The following NFIA variants were observed in gnomAD, a reference collection of about 807,000 sequenced individuals.
The protein encoded by NFIA is nuclear factor 1 A-type.
NFIA carries 8 observed loss-of-function variants against 62.8 expected under a neutral mutation model. That is an observed-to-expected ratio of 0.13 (90% CI 0.07 to 0.23). NFIA has a LOEUF of 0.23. Among genes scored for constraint, NFIA ranks in the 10% least tolerant of loss-of-function variants. NFIA has a pLI of 1.00. For missense variants in NFIA, 410 were observed against 642.1 expected (o/e 0.64, Z 3.91); for synonymous variants, 235 against 238.1 (o/e 0.99, Z 0.12).
chr1:61,299,707 T>C (rs1036300869), intron 3 of NFIA, among the ~76,000 whole-genome samples: 1 of 152,170 alleles, frequency 6.6e-6, no homozygotes, highest in African/African-American at 2.4e-5. Context: ...GCTGTACTTA[T>C]AAGCTGTTTG....
intron 9 of NFIA, among the ~76,000 whole-genome samples, chr1:61,422,677 C>T (rs913762742): frequency 2.0e-5 from 3 of 149,734 alleles, no homozygotes; most frequent in Admixed American, 6.7e-5. Context: ...GAGGCCGAGG[C>T]GAGAGGATTG....
intron 10 of NFIA, among the ~76,000 whole-genome samples, chr1:61,440,706 A>G (rs1667536197): frequency 6.8e-6 from 1 of 147,818 alleles, no homozygotes; most frequent in Admixed American, 6.7e-5. Context: ...AAGAACATCT[A>G]TTTTGCCAGA....
chr1:61,462,029 TTTTTTTTTTTTTTGGC>T lies in NFIA; in HGVS notation c.*6720_*6735del, dbSNP rs1159010644. 6.7e-6 allele frequency: 1 copy of T among 149,944 alleles called. No homozygotes were observed. Among genetic ancestry groups the T allele is most frequent in the Non-Finnish European group, 1.5e-5 (1 of 67,586 alleles). 9.3% of individuals were successfully genotyped at this position (149,944 alleles called of 1,614,324 possible). A position where few individuals can be genotyped will look rare whatever the true frequency, so the allele number is the denominator to read the frequency against. ...CTGTAAGTTAGCCTTTTTGGGTTTT[TTTTTTTTTTTTTTGGC>T]TTTTTTTTTTGTTTGTTTTTTTTTC... On this transcript the variant is annotated 3_prime_UTR_variant, in exon 11 of 11. Transcript: ENST00000403491.
At chr1:61,293,882 CA>C (rs1210471814) in intron 3 of NFIA, among the ~76,000 whole-genome samples, 2 of 152,218 alleles carry the variant, frequency 1.3e-5, no homozygotes, top group Admixed American at 6.5e-5. Flanking sequence ...AAGCTCAAAC[CA>C]AAATTGCTTT....
At chr1:61,432,292 T>A (rs1015133282) in intron 10 of NFIA, among the ~76,000 whole-genome samples, 27 of 151,452 alleles carry the variant, frequency 1.8e-4, no homozygotes, top group Non-Finnish European at 4.0e-4. Context: ...CATGTTCAGT[T>A]CTGTCTTCCC....
chr1:61,283,735 G>A (rs1446710359), intron 3 of NFIA, among the ~76,000 whole-genome samples: 1 of 151,382 alleles, frequency 6.6e-6, no homozygotes, highest in Admixed American at 6.6e-5. Context: ...GGGCCTTCTT[G>A]TTTAATGTTT....
At chr1:61,216,861 G>A (rs145994963) in intron 2 of NFIA, among the ~76,000 whole-genome samples, 1,843 of 151,824 alleles carry the variant, frequency 0.012, 18 homozygotes, top group East Asian at 0.054. Context: ...TTGGCTGGGC[G>A]TGGTGGTGGG....
chr1:61,163,412 A>C (rs1649350974), intron 2 of NFIA, among the ~76,000 whole-genome samples: 1 of 152,222 alleles, frequency 6.6e-6, no homozygotes, highest in African/African-American at 2.4e-5. Context: ...ATTTTAAAGC[A>C]AAGTTAATAT....
intron 9 of NFIA, among the ~76,000 whole-genome samples, chr1:61,411,773 C>A (rs2092867): frequency 0.76 from 114,736 of 151,344 alleles, 44,704 homozygotes; most frequent in East Asian, 0.98. Context: ...GGGCTACTTG[C>A]GAAGGGCAAA....
intron 2 of NFIA, among the ~76,000 whole-genome samples, chr1:61,197,961 A>G (rs745879427): frequency 6.6e-6 from 1 of 152,118 alleles, no homozygotes; most frequent in Non-Finnish European, 1.5e-5. Flanking sequence ...AGCCTGGGTG[A>G]CAAGAATGAA....
intron 9 of NFIA, among the ~76,000 whole-genome samples, chr1:61,407,818 C>A (rs542795546): frequency 3.3e-5 from 5 of 152,116 alleles, no homozygotes; most frequent in Non-Finnish European, 7.3e-5. Context: ...TAGAATGGAA[C>A]GGGACATGGT....
intron 2 of NFIA, among the ~76,000 whole-genome samples, chr1:61,243,760 C>T (rs1655482401): frequency 6.6e-6 from 1 of 152,152 alleles, no homozygotes; most frequent in Admixed American, 6.5e-5. Flanking sequence ...GCAGTGTTTA[C>T]GTAGGTAGAA....
intron 2 of NFIA, among the ~76,000 whole-genome samples, chr1:61,191,429 A>C (rs1467562491): frequency 6.6e-6 from 1 of 151,822 alleles, no homozygotes; most frequent in African/African-American, 2.4e-5. Context: ...TGCCTGTTCC[A>C]CCAATTCTGT....
chr1:61,201,027 G>A (rs952807152), intron 2 of NFIA, among the ~76,000 whole-genome samples: 1 of 149,332 alleles, frequency 6.7e-6, no homozygotes, highest in Non-Finnish European at 1.5e-5. Context: ...GTGTAAAAGG[G>A]AAAACAACGA....
intron 3 of NFIA, among the ~76,000 whole-genome samples, chr1:61,324,066 ATTAAC>A (rs1660811620): frequency 6.6e-6 from 1 of 152,216 alleles, no homozygotes; most frequent in Non-Finnish European, 1.5e-5. Context: ...GAGAGGGAAG[ATTAAC>A]GAGCCACATT....
chr1:61,445,395 A>G (rs1667763884), intron 10 of NFIA, among the ~76,000 whole-genome samples: 1 of 152,188 alleles, frequency 6.6e-6, no homozygotes, highest in Non-Finnish European at 1.5e-5. Flanking sequence ...AGCAACGAAT[A>G]TTGCTTAGTT....
chr1:61,404,169 C>T lies in NFIA; in HGVS notation c.1141C>T (p.Pro381Ser). The T allele has an allele frequency of 6.2e-7, 1 of 1,614,192 alleles. No homozygotes were observed. The highest frequency in any genetic ancestry group is 8.5e-7 in the Non-Finnish European group (1 of 1,180,024). Residue 381 changes from proline to serine, a missense_variant, in exon 8 of 11, where the codon CCT (proline) becomes TCT (serine). By Grantham distance (74) the Pro-to-Ser change is moderately conservative. Around this residue, in one of 3 missense-constraint regions of NFIA, gnomAD observed 298 missense variants for 438.1 expected, o/e 0.68. Coordinates refer to ENST00000403491, the MANE Select transcript of NFIA (RefSeq NM_001134673.4). Reference sequence around the variant, plus strand: ...ATCACCCATTATCCAGCAGCCTGGGCCTTACTTCTCACACCCAGCCATCCG... The same window carrying T: ...ATCACCCATTATCCAGCAGCCTGGGTCTTACTTCTCACACCCAGCCATCCG... ...PTSPIIQQPG[P>S]YFSHPAIRYH...
intron 2 of NFIA, among the ~76,000 whole-genome samples, chr1:61,229,873 A>G (rs1285732633): frequency 1.3e-5 from 2 of 152,316 alleles, no homozygotes; most frequent in East Asian, 3.9e-4. Context: ...AAAATTATCT[A>G]TGTCATGTCA....
rs1259875626 is a variant in NFIA at position 61,088,424 on chromosome 1, A to G, written c.303A>G (p.Pro101=). ...FVLTVTGKKP[P]CCVLSNPDQK... is the part of the protein sequence containing the mutation. Reference sequence around the variant, plus strand: ...TTACAGTTACAGGGAAAAAACCTCCATGTTGTGTTCTTTCCAACCCAGACC... The same window carrying G: ...TTACAGTTACAGGGAAAAAACCTCCGTGTTGTGTTCTTTCCAACCCAGACC... The change falls in exon 2 of 11, where the codon CCA becomes CCG. Residue 101 remains proline, a synonymous_variant. Transcript: ENST00000403491. The surrounding 1 kb of genome is among the most constrained non-coding windows in gnomAD (Gnocchi z 4.5). 10 of 1,613,900 alleles carry G rather than the reference A, an allele frequency of 6.2e-6. No homozygotes were observed. The highest frequency in any genetic ancestry group is 3.3e-4 in the Middle Eastern group (2 of 6,084).
Sources: gnomAD v4.1 joint callset for allele counts (sites outside exome capture counted in the v4.1 genomes callset) on GRCh38, gnomAD v4.1.1 for gene constraint, gnomAD v4.1.1 regional missense constraint, Gnocchi (gnomAD v3.1) non-coding constraint, MANE v1.5 for transcripts, NCBI Gene and HGNC (gene_info 2026-07-23, HGNC 2026-07-21) for gene names.